Variants in WDHD1 observed in about 807,000 individuals in gnomAD.
WDHD1 encodes WD repeat and HMG-box DNA-binding protein 1.
In WDHD1, 111 loss-of-function variants were observed where a neutral mutation model predicts 135.4. The ratio of observed to expected loss-of-function variants is 0.82; its 90% confidence interval spans 0.70 to 0.96. WDHD1 has a LOEUF of 0.96. Among genes scored for constraint, WDHD1 ranks in the 40% least tolerant of loss-of-function variants. The probability of loss-of-function intolerance (pLI) is 0.00; values close to 1 mark genes in which losing one functional copy is unlikely to be tolerated. For missense variants in WDHD1, 1,351 were observed against 1,336.3 expected, an observed-to-expected ratio of 1.01 and a Z score of -0.17; for synonymous variants, 434 against 439.0, an observed-to-expected ratio of 0.99 and a Z score of 0.14.
chr14:54,970,299 G>T (rs2041410114), intron 16 of WDHD1, among the ~76,000 whole-genome samples: 1 of 152,002 alleles, frequency 6.6e-6, no homozygotes, highest in African/African-American at 2.4e-5. Flanking sequence ...CTAGATAAAA[G>T]ACTTTGGTAA....
chr14:55,010,094 C>G (rs557403128), intron 4 of WDHD1, among the ~76,000 whole-genome samples: 102 of 152,358 alleles, frequency 6.7e-4, no homozygotes, highest in African/African-American at 2.4e-3. Context: ...GCTGGGATTA[C>G]AGGCGTGAGC....
At chr14:54,965,964 A>AT (rs1156357515) in intron 18 of WDHD1, among the ~76,000 whole-genome samples, 1 of 151,538 alleles carries the variant, frequency 6.6e-6, no homozygotes, top group Non-Finnish European at 1.5e-5. Context: ...CTAAAAAAAA[A>AT]AAAAGAAAAA....
chr14:55,010,276 A>C (rs753505564), intron 4 of WDHD1, 33 bp downstream of exon 4: 1 of 1,523,604 alleles, frequency 6.6e-7, no homozygotes, highest in Non-Finnish European at 8.8e-7. Context: ...TTGTTCTAAC[A>C]TTATTTCCTT....
At chr14:54,949,591 CAGG>C (rs2041004358) in intron 24 of WDHD1, among the ~76,000 whole-genome samples, 2 of 152,180 alleles carry the variant, frequency 1.3e-5, no homozygotes, top group Admixed American at 1.3e-4. Context: ...GGATACTATC[CAGG>C]AGAACTTCCC....
chr14:54,947,280 G>T (rs1371183750), intron 24 of WDHD1, among the ~76,000 whole-genome samples: 3 of 152,194 alleles, frequency 2.0e-5, no homozygotes, highest in Non-Finnish European at 4.4e-5. Context: ...AGAGGTTGCA[G>T]TGAGCCGAGA....
intron 2 of WDHD1, among the ~76,000 whole-genome samples, chr14:55,018,372 G>A (rs2042293079): frequency 6.6e-6 from 1 of 152,156 alleles, no homozygotes; most frequent in African/African-American, 2.4e-5. Flanking sequence ...AGCTGAAATG[G>A]TGAATGATTT....
chr14:55,010,388 C>T lies in WDHD1; in HGVS notation c.262G>A (p.Gly88Ser). The T allele has an allele frequency of 6.2e-7, 1 of 1,613,270 alleles. No individual in the cohort carries two copies. Among genetic ancestry groups the T allele is most frequent in the Non-Finnish European group, 8.5e-7 (1 of 1,179,646 alleles). Reference protein sequence around the residue: ...VHTFPEGVPDGILTRFTTNAN... With the variant: ...VHTFPEGVPDSILTRFTTNAN... ...TTTGTAGTGAAGCGAGTCAATATAC[C>T]ATCTGGAACTCCTTCAGGAAATGTG... The change falls in exon 4 of 26, where the codon GGT becomes AGT. Residue 88 changes from glycine to serine, a missense_variant. Physicochemically the swap from Gly to Ser is moderately conservative, Grantham distance 56 (BLOSUM62 0). Transcript: ENST00000360586.
intron 24 of WDHD1, among the ~76,000 whole-genome samples, chr14:54,952,770 AAC>A (rs2041082044): frequency 6.6e-6 from 1 of 152,188 alleles, no homozygotes; most frequent in African/African-American, 2.4e-5. Context: ...CTGGTACCAA[AAC>A]AGAGATACAG....
intron 25 of WDHD1, among the ~76,000 whole-genome samples, chr14:54,943,920 T>A (rs899095804): frequency 6.6e-6 from 1 of 151,610 alleles, no homozygotes; most frequent in Non-Finnish European, 1.5e-5. Context: ...ACGACACTCC[T>A]GCCTGGGTGA....
intron 16 of WDHD1, among the ~76,000 whole-genome samples, chr14:54,970,128 A>C (rs1257806894): frequency 2.6e-5 from 4 of 152,240 alleles, no homozygotes; most frequent in Non-Finnish European, 5.9e-5. Context: ...ATTACCCTTA[A>C]GAATTGGAAT....
chr14:54,982,559 T>A (rs2041635596), intron 15 of WDHD1, among the ~76,000 whole-genome samples: 2 of 152,182 alleles, frequency 1.3e-5, no homozygotes, highest in African/African-American at 4.8e-5. Flanking sequence ...TGCTTCCAAC[T>A]CAGGAAATCT....
intron 25 of WDHD1, 51 bp downstream of exon 25, chr14:54,944,281 T>C: frequency 6.3e-7 from 1 of 1,592,522 alleles, no homozygotes; most frequent in African/African-American, 1.4e-5. Context: ...ATAAGAATTT[T>C]TTAAATCTGG....
chr14:55,013,942 T>TA (rs2042218576), intron 2 of WDHD1, among the ~76,000 whole-genome samples: 1 of 152,134 alleles, frequency 6.6e-6, no homozygotes, highest in Non-Finnish European at 1.5e-5. Context: ...TCATATACAT[T>TA]AGTTTTTTGG....
intron 2 of WDHD1, among the ~76,000 whole-genome samples, chr14:55,021,101 A>T (rs1407005084): frequency 6.6e-6 from 1 of 152,186 alleles, no homozygotes; most frequent in African/African-American, 2.4e-5. Context: ...ATAAAAACAC[A>T]TCATAATTTC....
At position 54,984,838 on chromosome 14, in the gene WDHD1, C is replaced by A. The variant is rs766371601; in HGVS notation, c.1791G>T (p.Gln597His). Residue 597 changes from glutamine (Q) to histidine (H), a missense_variant, in exon 15 of 26, where the codon CAG becomes CAT. Coordinates refer to ENST00000360586, the MANE Select transcript of WDHD1 (RefSeq NM_007086.4). ...YHRGTGFDGDQCLGVQLLELG... is the reference protein window; with the variant it reads ...YHRGTGFDGDHCLGVQLLELG... Reference sequence around the variant, plus strand: ...GCTCTAGCAGTTGAACTCCAAGGCACTGATCCCCATCAAATCCTGTACCTA... The same window carrying A: ...GCTCTAGCAGTTGAACTCCAAGGCAATGATCCCCATCAAATCCTGTACCTA... The A allele has an allele frequency of 5.1e-5, 83 of 1,612,552 alleles. 1 individual carries two copies. The East Asian group carries it at 1.2e-3, about 23-fold the overall frequency.
rs1205184957 is a variant in WDHD1, at chr14:55,026,796, T to G, written c.-9A>C. 4 of 1,614,020 alleles carry G rather than the reference T, an allele frequency of 2.5e-6. No individual in the cohort carries two copies. Among genetic ancestry groups the G allele is most frequent in the Admixed American group, 1.7e-5 (1 of 60,010 alleles). On this transcript the variant is annotated 5_prime_UTR_variant, in exon 2 of 26. Transcript: ENST00000360586. ...TTCCGTGTGGCAGGCATGTTTTCCT[T>G]TACCTATCTGAAAATGTTTTATAAA...
Position 54,970,607 on chromosome 14 carries a change from C to A in WDHD1, c.2064-3213G>T, listed in dbSNP as rs376333184. Among the ~76,000 whole-genome samples, 4 of 141,020 alleles carry A rather than the reference C, an allele frequency of 2.8e-5. No homozygotes were observed. In the East Asian group the frequency reaches 6.0e-4, roughly 21 times the overall value. The allele number at this position is 141,020 out of a possible 152,430, so 92.5% of individuals were successfully genotyped here. Reference sequence around the variant, plus strand: ...TGTCTGCAGCAACCTTGGTTTGCATCGAAGTCACAGCACCAAAAAAAAAAA... The same window carrying A: ...TGTCTGCAGCAACCTTGGTTTGCATAGAAGTCACAGCACCAAAAAAAAAAA... On this transcript the variant is annotated intron_variant, in intron 16 of 25. Transcript: ENST00000360586.
intron 2 of WDHD1, among the ~76,000 whole-genome samples, chr14:55,014,016 T>C (rs988961375): frequency 6.6e-6 from 1 of 152,250 alleles, no homozygotes; most frequent in Non-Finnish European, 1.5e-5. Flanking sequence ...TTTTTTCTCA[T>C]TTTATACACT....
rs1482320912 is a variant in WDHD1 at position 54,987,269 on chromosome 14, T to C, written c.1645A>G (p.Thr549Ala). The C allele has an allele frequency of 6.2e-7, 1 of 1,614,130 alleles. No individual in the cohort carries two copies. Among genetic ancestry groups the C allele is most frequent in the Non-Finnish European group, 8.5e-7 (1 of 1,180,022 alleles). Residue 549 changes from threonine to alanine, a missense_variant, in exon 14 of 26, where the codon ACT becomes GCT. Physicochemically the swap from Thr to Ala is moderately conservative, Grantham distance 58 (BLOSUM62 0). Around this residue, in one of 2 missense-constraint regions of WDHD1, gnomAD observed 1,330 missense variants for 1,296.1 expected, o/e 1.03. Transcript: ENST00000360586. ...CLGQGWAAAATSALLLRLFTI... is the reference protein window; with the variant it reads ...CLGQGWAAAAASALLLRLFTI... ...AACAATCGAAGAAGCAGGGCACTAG[T>C]AGCGGCAGCAGCCCATCCTTGACCG... is the stretch of plus-strand genomic sequence containing the variant.
Sources: allele counts gnomAD v4.1 joint callset (sites outside exome capture counted in the v4.1 genomes callset), GRCh38; gene constraint gnomAD v4.1.1; regional missense constraint gnomAD v4.1.1; transcripts MANE v1.5; gene names NCBI Gene and HGNC (gene_info 2026-07-23, HGNC 2026-07-21).